Variants in LRP12 observed in about 807,000 individuals in gnomAD.
The protein encoded by LRP12 is LDL receptor related protein 12.
LRP12 carries 14 observed loss-of-function variants against 66.0 expected under a neutral mutation model. The observed-to-expected ratio is 0.21, with a 90% CI of 0.14 to 0.33. The LOEUF (loss-of-function observed/expected upper bound fraction) is 0.33, where lower values mean the gene tolerates loss of function less well. Among genes scored for constraint, LRP12 ranks in the 10% least tolerant of loss-of-function variants. The pLI, the probability that LRP12 is intolerant of heterozygous loss-of-function variation, is 1.00. For synonymous variants in LRP12, 357 were observed against 359.1 expected (o/e 0.99, Z 0.07); for missense variants, 889 against 1,053.4 (o/e 0.84, Z 2.16).
chr8:104,548,366 T>TA (rs1466143231), intron 1 of LRP12, among the ~76,000 whole-genome samples: 3 of 80,612 alleles, frequency 3.7e-5, no homozygotes, highest in Admixed American at 4.0e-4. Flanking sequence ...ATATATTATA[T>TA]AAATATATTA....
intron 1 of LRP12, among the ~76,000 whole-genome samples, chr8:104,587,236 A>T (rs562446481): frequency 6.2e-4 from 94 of 152,208 alleles, no homozygotes; most frequent in Non-Finnish European, 7.6e-4. Flanking sequence ...AATCCTAATC[A>T]CCCTAAATTA....
At chr8:104,583,916 T>G (rs1812292445) in intron 1 of LRP12, among the ~76,000 whole-genome samples, 2 of 152,324 alleles carry the variant, frequency 1.3e-5, no homozygotes, top group South Asian at 4.1e-4. Context: ...CTTAATTTAA[T>G]GTTAGTTTCC....
At chr8:104,525,546 C>A (rs1344053245) in intron 2 of LRP12, among the ~76,000 whole-genome samples, 1 of 152,046 alleles carries the variant, frequency 6.6e-6, no homozygotes, top group Non-Finnish European at 1.5e-5. Flanking sequence ...CAAAATGAAG[C>A]CCTTAATACT....
chr8:104,495,025 G>C (rs1308262831), intron 6 of LRP12, 52 bp downstream of exon 6: 1 of 1,550,282 alleles, frequency 6.5e-7, no homozygotes. Flanking sequence ...ATATACAGGC[G>C]CAGATTTCAT....
At chr8:104,564,252 C>A (rs186198148) in intron 1 of LRP12, among the ~76,000 whole-genome samples, 1 of 152,086 alleles carries the variant, frequency 6.6e-6, no homozygotes, top group African/African-American at 2.4e-5. Flanking sequence ...GCTTCTCAAA[C>A]CTGAATATCA....
chr8:104,562,660 T>A (rs1459719274), intron 1 of LRP12, among the ~76,000 whole-genome samples: 1 of 152,214 alleles, frequency 6.6e-6, no homozygotes, highest in East Asian at 1.9e-4. Context: ...TGACTGCTTT[T>A]GAAGTTAATC....
chr8:104,551,994 TGTAA>T (rs767177897), intron 1 of LRP12, among the ~76,000 whole-genome samples: 6 of 152,302 alleles, frequency 3.9e-5, no homozygotes, highest in South Asian at 2.1e-4. Flanking sequence ...CATATGATAC[TGTAA>T]GTAAGAGGAG....
At chr8:104,516,953 C>A (rs1327344878) in intron 2 of LRP12, among the ~76,000 whole-genome samples, 1 of 151,662 alleles carries the variant, frequency 6.6e-6, no homozygotes, top group African/African-American at 2.4e-5. Context: ...TACTTCATGA[C>A]AAAAAGTAGT....
chr8:104,499,939 C>A (rs182226690), intron 3 of LRP12, among the ~76,000 whole-genome samples: 4 of 152,244 alleles, frequency 2.6e-5, no homozygotes, highest in African/African-American at 9.6e-5. Context: ...TAGATTAATA[C>A]CTGCTTAATG....
chr8:104,582,391 G>C lies in LRP12; in HGVS notation c.79+6428C>G, dbSNP rs192128093. Among the ~76,000 whole-genome samples the C allele has an allele frequency of 6.0e-3, 914 of 151,466 alleles. 9 individuals are homozygous for C. The highest frequency in any genetic ancestry group is 0.013 in the Admixed American group (191 of 15,246). ...GTAAAGCTACACAATAAAAAAAAAA[G>C]ATAAAAGCTCAATTTTTCCAAATCT... On this transcript the variant is annotated intron_variant, in intron 1 of 6. Transcript: ENST00000276654.
intron 1 of LRP12, among the ~76,000 whole-genome samples, chr8:104,587,412 A>G (rs1429717086): frequency 6.6e-6 from 1 of 152,170 alleles, no homozygotes; most frequent in Non-Finnish European, 1.5e-5. Context: ...CACTTGATGC[A>G]GCTAACAATC....
At chr8:104,499,293 T>C (rs1206562506) in intron 4 of LRP12, 24 bp downstream of exon 4, 2 of 1,583,538 alleles carry the variant, frequency 1.3e-6, no homozygotes, top group East Asian at 4.5e-5. Context: ...TTCAGTTCAA[T>C]ATCTTTCTTA....
rs138971977 is a variant in LRP12, at chr8:104,498,796, T to G, written c.475+521A>C. Among the ~76,000 whole-genome samples the G allele has an allele frequency of 1.4e-4, 21 of 151,850 alleles. No homozygotes were observed. The East Asian group carries it at 3.9e-3, about 28-fold the overall frequency. On this transcript the variant is annotated intron_variant, in intron 4 of 6. Transcript: ENST00000276654. ...ACAATTCAATTTGTTAAATACTTAT[T>G]ATTATTCCATGAAGATCTTGCATTT...
intron 2 of LRP12, among the ~76,000 whole-genome samples, chr8:104,525,494 T>C (rs1811220641): frequency 6.6e-6 from 1 of 152,158 alleles, no homozygotes; most frequent in South Asian, 2.1e-4. Flanking sequence ...AAATATATTA[T>C]TAATTAGAAA....
intron 1 of LRP12, among the ~76,000 whole-genome samples, chr8:104,578,655 T>C (rs991408506): frequency 2.6e-5 from 4 of 152,172 alleles, no homozygotes; most frequent in South Asian, 2.1e-4. Flanking sequence ...ATATTCTTCA[T>C]GAACACTGAT....
At chr8:104,580,365 A>AT (rs1427012882) in intron 1 of LRP12, among the ~76,000 whole-genome samples, 6 of 151,272 alleles carry the variant, frequency 4.0e-5, no homozygotes, top group South Asian at 2.1e-4. Context: ...AAATAAAAAA[A>AT]AAAAAAAAAA....
At chr8:104,521,999 T>C (rs1811160118) in intron 2 of LRP12, among the ~76,000 whole-genome samples, 1 of 152,042 alleles carries the variant, frequency 6.6e-6, no homozygotes, top group Non-Finnish European at 1.5e-5. Context: ...CTATCAGAGA[T>C]AATTACAATT....
At chr8:104,543,429 C>A (rs944697479) in intron 1 of LRP12, among the ~76,000 whole-genome samples, 15 of 151,990 alleles carry the variant, frequency 9.9e-5, no homozygotes, top group African/African-American at 3.6e-4. Flanking sequence ...ATGAACTGTG[C>A]CTATAAAAGA....
intron 1 of LRP12, among the ~76,000 whole-genome samples, chr8:104,553,682 A>G (rs1163011756): frequency 6.6e-6 from 1 of 152,182 alleles, no homozygotes; most frequent in Non-Finnish European, 1.5e-5. Flanking sequence ...AACAAAGGAC[A>G]TAATCTCTTG....
Sources: allele counts gnomAD v4.1 joint callset (sites outside exome capture counted in the v4.1 genomes callset), GRCh38; gene constraint gnomAD v4.1.1; transcripts MANE v1.5; gene names NCBI Gene and HGNC (gene_info 2026-07-23, HGNC 2026-07-21).